The following VHL variants were observed in gnomAD, a reference collection of about 807,000 sequenced individuals.
VHL encodes the protein von Hippel-Lindau tumor suppressor.
Under a neutral mutation model 19.2 loss-of-function variants are expected in VHL, and 10 were observed. The observed-to-expected ratio is 0.52, with a 90% CI of 0.32 to 0.89. The LOEUF (loss-of-function observed/expected upper bound fraction) is 0.89. VHL is among the 40% of genes least tolerant of loss of function. VHL has a pLI of 0.03. For missense variants in VHL, 328 were observed against 292.7 expected (o/e 1.12, Z -0.88); for synonymous variants, 167 against 129.5 (o/e 1.29, Z -1.97).
rs182931000 is a variant in VHL, at chr3:10,147,656, C to A, written c.463+1020C>A. On this transcript the variant is annotated intron_variant, in intron 2 of 2. Coordinates refer to ENST00000256474, the MANE Select transcript of VHL (RefSeq NM_000551.4). ...CTGGGATTACAGGCGTGAGCCACTG[C>A]GTCCAGCCTGTTTTTTTTTTTTTTT... 1.7e-3 allele frequency among the ~76,000 whole-genome samples: 265 copies of A among 151,672 alleles called. 1 individual carries two copies. Among genetic ancestry groups the A allele is most frequent in the African/African-American group, 6.2e-3 (255 of 41,414 alleles).
In VHL at chr3:10,152,060, C is replaced by CA. The variant is rs757106274; in HGVS notation, c.*2117dup. The CA allele has an allele frequency of 0.02, 1,770 of 89,124 alleles. 45 individuals carry two copies. The highest frequency in any genetic ancestry group is 0.062 in the African/African-American group (1,584 of 25,730). The allele number at this position is 89,124 out of a possible 1,614,324, so 5.5% of individuals were successfully genotyped here. A position where few individuals can be genotyped will look rare whatever the true frequency, so the allele number is the denominator to read the frequency against. ...TGGGGGACAGAGCAAGACCCTGCCT[C>CA]AAAAAAAAAAAAAAAAAAAAAATCA... On this transcript the variant is annotated 3_prime_UTR_variant, in exon 3 of 3. Transcript: ENST00000256474.
At chr3:10,143,269 T>C (rs1164572665) in intron 1 of VHL, among the ~76,000 whole-genome samples, 2 of 152,106 alleles carry the variant, frequency 1.3e-5, no homozygotes, top group African/African-American at 4.8e-5. Context: ...GAGCGGGGAT[T>C]ACAGGCGTGC....
Position 10,149,919 on chromosome 3 carries a change from A to C in VHL, c.596A>C (p.Glu199Ala), listed in dbSNP as rs760690217. ...CACCCAAATGTGCAGAAAGACCTGGAGCGGCTGACACAGGAGCGCATTGCA... is the reference window on the plus strand; with the variant it reads ...CACCCAAATGTGCAGAAAGACCTGGCGCGGCTGACACAGGAGCGCATTGCA... ...EDHPNVQKDL[E>A]RLTQERIAHQ... Residue 199 changes from glutamate to alanine, a missense_variant, in exon 3 of 3, where the codon GAG (glutamate) becomes GCG (alanine). Glu to Ala is a moderately radical substitution (Grantham distance 107, BLOSUM62 -1). Transcript: ENST00000256474. The C allele has an allele frequency of 2.5e-6, 4 of 1,614,206 alleles. No homozygotes were observed. The highest frequency in any genetic ancestry group is 2.5e-6 in the Non-Finnish European group (3 of 1,180,040).
At chr3:10,148,917 C>A (rs1696332675) in intron 2 of VHL, among the ~76,000 whole-genome samples, 1 of 151,470 alleles carries the variant, frequency 6.6e-6, no homozygotes, top group Admixed American at 6.6e-5. Flanking sequence ...AGGCAGTCTG[C>A]CTGCCTCAGC....
At chr3:10,149,328 G>A (rs1696342848) in intron 2 of VHL, among the ~76,000 whole-genome samples, 1 of 151,880 alleles carries the variant, frequency 6.6e-6, no homozygotes, top group Non-Finnish European at 1.5e-5. Flanking sequence ...TGCCAGGCTG[G>A]TCTCGAACTC....
rs990870523 is a variant in VHL at position 10,153,287 on chromosome 3, A to C, written c.*3322A>C. Among the ~76,000 whole-genome samples, 7 of 151,928 alleles carry C rather than the reference A, an allele frequency of 4.6e-5. No homozygotes were observed. The highest frequency in any genetic ancestry group is 8.8e-5 in the Non-Finnish European group (6 of 67,982). ...AGTGAGACACCGTCTCAAAAAAAAA[A>C]ACAAAAAACAAAAATTATCCAGGTG... is the stretch of plus-strand genomic sequence containing the variant. On this transcript the variant is annotated 3_prime_UTR_variant, in exon 3 of 3. Transcript: ENST00000256474.
chr3:10,148,455 C>T (rs2125129682), intron 2 of VHL, among the ~76,000 whole-genome samples: 1 of 148,414 alleles, frequency 6.7e-6, no homozygotes, highest in South Asian at 2.1e-4. Context: ...GCTGGGACTA[C>T]AGGCGCCCGC....
At chr3:10,142,341 C>CTTTTTTTTT (rs556405301) in intron 1 of VHL, among the ~76,000 whole-genome samples, 154 bp downstream of exon 1, 1 of 107,960 alleles carries the variant, frequency 9.3e-6, no homozygotes, top group Non-Finnish European at 1.7e-5. Context: ...TCAGAGCATT[C>CTTTTTTTTT]TTTTTTTTTT....
rs773246608 is a variant in VHL at position 10,142,051 on chromosome 3, G to C, written c.204G>C (p.Ser68=). The C allele has an allele frequency of 6.2e-7, 1 of 1,605,432 alleles. No homozygotes were observed. Among genetic ancestry groups the C allele is most frequent in the Admixed American group, 1.7e-5 (1 of 59,380 alleles). The part of the protein sequence containing the change: ...RPRPVLRSVN[S]REPSQVIFCN... Reference sequence around the variant, plus strand: ...GGCCCGTGCTGCGCTCGGTGAACTCGCGCGAGCCCTCCCAGGTCATCTTCT... The same window carrying C: ...GGCCCGTGCTGCGCTCGGTGAACTCCCGCGAGCCCTCCCAGGTCATCTTCT... Residue 68 remains serine (S), a synonymous_variant, in exon 1 of 3, where the codon TCG becomes TCC. Coordinates refer to ENST00000256474, the MANE Select transcript of VHL (RefSeq NM_000551.4).
Position 10,150,422 on chromosome 3 carries a change from A to C in VHL, c.*457A>C. 1 of 1,127,570 alleles carries C rather than the reference A, an allele frequency of 8.9e-7. No individual in the cohort carries two copies. 69.8% of individuals were successfully genotyped at this position (1,127,570 alleles called of 1,614,324 possible). A position where few individuals can be genotyped will look rare whatever the true frequency, so the allele number is the denominator to read the frequency against. On this transcript the variant is annotated 3_prime_UTR_variant, in exon 3 of 3. Transcript: ENST00000256474. ...CTGAGGCATCCGTGAGGCAGGGACA[A>C]GTCTTTCTCCTCTTTGAGACCCCAG...
rs1696446972 is a variant in VHL, at chr3:10,152,799, A to T, written c.*2834A>T. The stretch of plus-strand genomic sequence containing the variant: ...GCCACCGCGTCCAGCCAGCTTTATT[A>T]TTTTTTTTAAGCTGTCTTTGTGTCA... On this transcript the variant is annotated 3_prime_UTR_variant, in exon 3 of 3. Coordinates refer to ENST00000256474, the MANE Select transcript of VHL (RefSeq NM_000551.4). Among the ~76,000 whole-genome samples the T allele has an allele frequency of 1.3e-5, 2 of 151,220 alleles. No individual in the cohort carries two copies. Among genetic ancestry groups the T allele is most frequent in the African/African-American group, 2.4e-5 (1 of 41,174 alleles).
In VHL at chr3:10,142,467, T is replaced by G. The variant is rs571609047; in HGVS notation, c.340+280T>G. On this transcript the variant is annotated intron_variant, in intron 1 of 2. Transcript: ENST00000256474. ...TTCAAGCGATTCTCCTGCCTCAGCC[T>G]CCTGAGTAGCTGGGATTACAGGCGT... 1.1e-3 allele frequency: 537 copies of G among 474,846 alleles called. 1 individual carries two copies. Among genetic ancestry groups the G allele is most frequent in the Non-Finnish European group, 1.7e-3 (467 of 267,556 alleles). 29.4% of individuals were successfully genotyped at this position (474,846 alleles called of 1,614,324 possible). A position where few individuals can be genotyped will look rare whatever the true frequency, so the allele number is the denominator to read the frequency against.
rs1224891387 is a variant in VHL, at chr3:10,142,027, G to A, written c.180G>A (p.Arg60=). The A allele has an allele frequency of 1.9e-6, 3 of 1,597,090 alleles. No individual in the cohort carries two copies. The African/African-American group carries it at 4.0e-5, about 21-fold the overall frequency. ...AGGAGATGGAGGCCGGGCGGCCGCG[G>A]CCCGTGCTGCGCTCGGTGAACTCGC... ...AEEEMEAGRP[R]PVLRSVNSRE... is the part of the protein sequence containing the mutation. Residue 60 remains arginine, a synonymous_variant, in exon 1 of 3, where the codon CGG becomes CGA. Coordinates refer to ENST00000256474, the MANE Select transcript of VHL (RefSeq NM_000551.4).
At position 10,148,173 on chromosome 3, in the gene VHL, T is replaced by G. The variant is rs1696310308; in HGVS notation, c.463+1537T>G. 3.3e-5 allele frequency among the ~76,000 whole-genome samples: 5 copies of G among 152,122 alleles called. No individual in the cohort carries two copies. The South Asian group carries it at 8.3e-4, about 25-fold the overall frequency. On this transcript the variant is annotated intron_variant, in intron 2 of 2. Transcript: ENST00000256474. Reference sequence around the variant, plus strand: ...ATTCAAACTACTATGTGTGTATAGATCCTGTTTTAAGGAAGTAGATATATA... The same window carrying G: ...ATTCAAACTACTATGTGTGTATAGAGCCTGTTTTAAGGAAGTAGATATATA...
Position 10,152,453 on chromosome 3 carries a change from C to T in VHL, c.*2488C>T, listed in dbSNP as rs903238366. 6.9e-6 allele frequency among the ~76,000 whole-genome samples: 1 copy of T among 144,820 alleles called. No homozygotes were observed. The highest frequency in any genetic ancestry group is 2.5e-5 in the African/African-American group (1 of 39,384). On this transcript the variant is annotated 3_prime_UTR_variant, in exon 3 of 3. Transcript: ENST00000256474. ...TACTCCGAATTTCAACTGATTTTAG[C>T]TCCTCCTTTCAACATTCAACAAATA...
At position 10,146,600 on chromosome 3, in the gene VHL, G is replaced by T; in HGVS notation, c.427G>T (p.Asp143Tyr). 1 of 1,614,022 alleles carries T rather than the reference G, an allele frequency of 6.2e-7. No homozygotes were observed. Among genetic ancestry groups the T allele is most frequent in the Non-Finnish European group, 8.5e-7 (1 of 1,179,926 alleles). ...ATTATTTGTGCCATCTCTCAATGTT[G>T]ACGGACAGCCTATTTTTGCCAATAT... ...TELFVPSLNV[D>Y]GQPIFANITL... The change falls in exon 2 of 3, where the codon GAC becomes TAC. Residue 143 changes from aspartate (D) to tyrosine (Y), a missense_variant. Transcript: ENST00000256474.
Position 10,150,126 on chromosome 3 carries a change from G to A in VHL, c.*161G>A, listed in dbSNP as rs1696373431. The A allele has an allele frequency of 1.3e-6, 2 of 1,505,056 alleles. No homozygotes were observed. The highest frequency in any genetic ancestry group is 1.8e-6 in the Non-Finnish European group (2 of 1,127,420). 93.2% of individuals were successfully genotyped at this position (1,505,056 alleles called of 1,614,324 possible). ...AAAGAAAGTTAACTGACTTCACTAG[G>A]CATTGTGATGTTTAGGGGCAAACAT... On this transcript the variant is annotated 3_prime_UTR_variant, in exon 3 of 3. Coordinates refer to ENST00000256474, the MANE Select transcript of VHL (RefSeq NM_000551.4).
rs1230072028 is a variant in VHL, at chr3:10,152,862, GC to G, written c.*2899del. 2.6e-5 allele frequency among the ~76,000 whole-genome samples: 4 copies of G among 152,054 alleles called. No homozygotes were observed. Among genetic ancestry groups the G allele is most frequent in the Non-Finnish European group, 4.4e-5 (3 of 68,016 alleles). Reference sequence around the variant, plus strand: ...ATGCTCCTCTTGTTAAAACCTGCAGGCCGAGCACAGTGGCTCATGCCTGTAA... The same window carrying G: ...ATGCTCCTCTTGTTAAAACCTGCAGGCGAGCACAGTGGCTCATGCCTGTAA... On this transcript the variant is annotated 3_prime_UTR_variant, in exon 3 of 3. Coordinates refer to ENST00000256474, the MANE Select transcript of VHL (RefSeq NM_000551.4).
At chr3:10,143,798 A>G (rs1696186888) in intron 1 of VHL, among the ~76,000 whole-genome samples, 1 of 152,132 alleles carries the variant, frequency 6.6e-6, no homozygotes, top group Non-Finnish European at 1.5e-5. Context: ...AGATTTATAT[A>G]CTGAAAAGCT....
Sources: gnomAD v4.1 joint callset for allele counts (sites outside exome capture counted in the v4.1 genomes callset) on GRCh38, gnomAD v4.1.1 for gene constraint, MANE v1.5 for transcripts, NCBI Gene and HGNC (gene_info 2026-07-23, HGNC 2026-07-21) for gene names.